EPB41L3: variants seen among roughly 807,000 people sequenced by gnomAD.
EPB41L3 encodes the protein erythrocyte membrane protein band 4.1 like 3, also known as band 4.1-like protein 3.
A neutral mutation model predicts 127.1 loss-of-function variants in EPB41L3; 57 were observed. The ratio of observed to expected loss-of-function variants is 0.45; its 90% confidence interval spans 0.36 to 0.56. The LOEUF (loss-of-function observed/expected upper bound fraction) is 0.56, where lower values mean the gene tolerates loss of function less well. Ranked by LOEUF, EPB41L3 falls within the 20% of genes least tolerant of loss-of-function variation. The probability of loss-of-function intolerance (pLI) is 0.00; values close to 1 mark genes in which losing one functional copy is unlikely to be tolerated. For missense variants in EPB41L3, 1,273 were observed against 1,372.2 expected (o/e 0.93, Z 1.14); for synonymous variants, 572 against 549.5 (o/e 1.04, Z -0.57).
At chr18:5,531,287 T>C (rs950295606) in intron 1 of EPB41L3, among the ~76,000 whole-genome samples, 1 of 151,880 alleles carries the variant, frequency 6.6e-6, no homozygotes, top group Non-Finnish European at 1.5e-5. Flanking sequence ...AGAGGAGGAG[T>C]TGTCACAGCC....
At chr18:5,603,458 C>T (rs1237277688) in intron 3 of EPB41L3, among the ~76,000 whole-genome samples, 2 of 152,070 alleles carry the variant, frequency 1.3e-5, no homozygotes, top group African/African-American at 2.4e-5. Flanking sequence ...CAAGTCTTGA[C>T]GGTCATTGTA....
At chr18:5,537,532 C>T (rs988993548) in intron 1 of EPB41L3, among the ~76,000 whole-genome samples, 1 of 152,144 alleles carries the variant, frequency 6.6e-6, no homozygotes, top group Non-Finnish European at 1.5e-5. Context: ...CTACACTTAT[C>T]ACCAGAAAAA....
intron 3 of EPB41L3, among the ~76,000 whole-genome samples, chr18:5,566,517 G>A (rs908495213): frequency 1.3e-4 from 20 of 152,216 alleles, no homozygotes; most frequent in African/African-American, 2.4e-4. Context: ...AATTAATACC[G>A]TGAAAATGGC....
intron 3 of EPB41L3, among the ~76,000 whole-genome samples, chr18:5,592,612 A>G (rs535276161): frequency 2.0e-5 from 3 of 152,336 alleles, no homozygotes; most frequent in South Asian, 4.1e-4. Flanking sequence ...GGGTTGTGCC[A>G]GCTACTTACA....
intron 1 of EPB41L3, among the ~76,000 whole-genome samples, chr18:5,529,926 A>ATGTGTG (rs762060217): frequency 3.0e-3 from 276 of 91,590 alleles, no homozygotes; most frequent in Middle Eastern, 0.024. Flanking sequence ...ATCAACTCAT[A>ATGTGTG]TATGTGTGTG....
At position 5,419,832 on chromosome 18, in the gene EPB41L3, G is replaced by C. The variant is rs1568081438; in HGVS notation, c.1385C>G (p.Thr462Ser). ...QYATTKGISQ[T>S]NLITTVTPEK... is the part of the protein sequence containing the mutation. The stretch of plus-strand genomic sequence containing the variant: ...CGGAGTCACAGTGGTGATCAAGTTG[G>C]TCTGAGAGATGCCTTTTGTTGTGGC... The change falls in exon 12 of 23, where the codon ACC (threonine) becomes AGC (serine). Residue 462 changes from threonine (T) to serine (S), a missense_variant. Transcript: ENST00000341928. 1 of 1,614,188 alleles carries C rather than the reference G, an allele frequency of 6.2e-7. No individual in the cohort carries two copies. The highest frequency in any genetic ancestry group is 1.7e-5 in the Admixed American group (1 of 60,032).
At chr18:5,460,295 G>A (rs1368411958) in intron 3 of EPB41L3, among the ~76,000 whole-genome samples, 1 of 152,144 alleles carries the variant, frequency 6.6e-6, no homozygotes, top group African/African-American at 2.4e-5. Flanking sequence ...TCAGGGTGAT[G>A]TCTGGGAAAC....
intron 3 of EPB41L3, among the ~76,000 whole-genome samples, chr18:5,472,505 C>G (rs1053760252): frequency 5.3e-5 from 8 of 152,174 alleles, no homozygotes; most frequent in African/African-American, 2.4e-5. Flanking sequence ...AAACTGGAAA[C>G]TTACAGAGCT....
intron 3 of EPB41L3, among the ~76,000 whole-genome samples, chr18:5,472,449 T>C (rs2147652164): frequency 6.6e-6 from 1 of 152,308 alleles, no homozygotes; most frequent in South Asian, 2.1e-4. Context: ...ATGTAAGTTC[T>C]TCAGTTGAGC....
Position 5,610,107 on chromosome 18 carries a change from A to G in EPB41L3, c.-306+2233T>C, listed in dbSNP as rs1294259979. Reference sequence around the variant, plus strand: ...CAGTTTTCTTCTTCCCCAAACAAAGAGAAGTCAACAGCTTAAACACAGATT... The same window carrying G: ...CAGTTTTCTTCTTCCCCAAACAAAGGGAAGTCAACAGCTTAAACACAGATT... On this transcript the variant is annotated intron_variant, in intron 3 of 21. Coordinates refer to the EPB41L3 transcript ENST00000545076. The G allele has an allele frequency of 5.1e-6, 5 of 985,306 alleles. No homozygotes were observed. The African/African-American group carries it at 8.7e-5, about 17-fold the overall frequency. 61.0% of individuals were successfully genotyped at this position (985,306 alleles called of 1,614,324 possible). A position where few individuals can be genotyped will look rare whatever the true frequency, so the allele number is the denominator to read the frequency against.
At chr18:5,401,579 T>G (rs2074497127) in intron 16 of EPB41L3, among the ~76,000 whole-genome samples, 1 of 152,176 alleles carries the variant, frequency 6.6e-6, no homozygotes, top group South Asian at 2.1e-4. Context: ...TTAGATGGAT[T>G]GATTTATTGC....
intron 1 of EPB41L3, among the ~76,000 whole-genome samples, chr18:5,532,432 G>A (rs1156440710): frequency 6.6e-6 from 1 of 152,232 alleles, no homozygotes; most frequent in Admixed American, 6.5e-5. Flanking sequence ...AAGGCTCAAA[G>A]AGTCACATTT....
intron 1 of EPB41L3, among the ~76,000 whole-genome samples, chr18:5,503,451 A>T (rs1356180991): frequency 6.6e-6 from 1 of 152,206 alleles, no homozygotes; most frequent in Non-Finnish European, 1.5e-5. Flanking sequence ...CACGTCCACC[A>T]ATTCAAACAG....
At chr18:5,474,355 TG>T (rs1028247858) in intron 3 of EPB41L3, among the ~76,000 whole-genome samples, 1 of 151,840 alleles carries the variant, frequency 6.6e-6, no homozygotes, top group Admixed American at 6.6e-5. Context: ...GGTGGGGAGA[TG>T]TTGGGGATCA....
intron 1 of EPB41L3, among the ~76,000 whole-genome samples, chr18:5,495,870 C>T (rs1033780581): frequency 6.6e-6 from 1 of 152,140 alleles, no homozygotes; most frequent in Non-Finnish European, 1.5e-5. Flanking sequence ...GTTATATTCA[C>T]AGCAAGAAAT....
intron 3 of EPB41L3, among the ~76,000 whole-genome samples, chr18:5,454,026 T>TGGA (rs1248121350): frequency 6.6e-6 from 1 of 152,154 alleles, no homozygotes; most frequent in Non-Finnish European, 1.5e-5. Flanking sequence ...ACCTCAAGGA[T>TGGA]GGAGACTCTA....
chr18:5,409,089 C>A (rs2075866271), intron 14 of EPB41L3, among the ~76,000 whole-genome samples: 1 of 151,994 alleles, frequency 6.6e-6, no homozygotes, highest in Admixed American at 6.5e-5. Flanking sequence ...GTTGTGCTGG[C>A]CACCTATAGA....
At chr18:5,405,850 C>T (rs961422090) in intron 16 of EPB41L3, among the ~76,000 whole-genome samples, 2 of 150,618 alleles carry the variant, frequency 1.3e-5, no homozygotes, top group African/African-American at 2.4e-5. Context: ...TTTAAATGTA[C>T]AGCCAAAGAG....
intron 1 of EPB41L3, among the ~76,000 whole-genome samples, chr18:5,523,990 T>A (rs901288233): frequency 6.0e-4 from 91 of 152,304 alleles, no homozygotes; most frequent in African/African-American, 2.1e-3. Flanking sequence ...TATATATACA[T>A]ATATATGTGT....
Sources: gnomAD v4.1 joint callset for allele counts (sites outside exome capture counted in the v4.1 genomes callset) on GRCh38, gnomAD v4.1.1 for gene constraint, MANE v1.5 for transcripts, NCBI Gene and HGNC (gene_info 2026-07-23, HGNC 2026-07-21) for gene names.